HP1BP3: variants seen among roughly 807,000 people sequenced by gnomAD.
The protein encoded by HP1BP3 is heterochromatin protein 1 binding protein 3, also known as heterochromatin protein 1-binding protein 3.
HP1BP3 carries 12 observed loss-of-function variants against 62.5 expected under a neutral mutation model. The observed-to-expected ratio is 0.19, with a 90% CI of 0.12 to 0.31. The LOEUF is 0.31. Among genes scored for constraint, HP1BP3 ranks in the 10% least tolerant of loss-of-function variants. HP1BP3 has a pLI of 1.00. For missense variants in HP1BP3, 502 were observed against 651.8 expected (o/e 0.77, Z 2.50); for synonymous variants, 260 against 237.8 (o/e 1.09, Z -0.86).
chr1:20,765,757 G>A lies in HP1BP3; in HGVS notation c.736-226C>T, dbSNP rs529864479. On this transcript the variant is annotated intron_variant, in intron 7 of 12. Transcript: ENST00000438032. ...AGGCCGAGGTGGGCAGATCACCTGA[G>A]GTCAGGAGTTAAAGACCAGCCTGGC... is the stretch of plus-strand genomic sequence containing the variant. 2.0e-5 allele frequency among the ~76,000 whole-genome samples: 3 copies of A among 151,980 alleles called. No homozygotes were observed. In the South Asian group the frequency reaches 6.2e-4, roughly 32 times the overall value.
intron 9 of HP1BP3, among the ~76,000 whole-genome samples, chr1:20,752,985 AGGCTGGAGTGCAGT>A (rs1162008228): frequency 6.6e-6 from 1 of 151,724 alleles, no homozygotes; most frequent in East Asian, 1.9e-4. Context: ...TCTGTCACCC[AGGCTGGAGTGCAGT>A]GGCGTGATCT....
At chr1:20,776,560 CT>C in intron 4 of HP1BP3, 36 bp downstream of exon 4, 1 of 1,567,982 alleles carries the variant, frequency 6.4e-7, no homozygotes, top group Non-Finnish European at 8.7e-7. Context: ...TTTACACATT[CT>C]TCAAATATAA....
rs1055406589 is a variant in HP1BP3 at position 20,743,284 on chromosome 1, A to G, written c.*1513T>C. 3 of 152,588 alleles carry G rather than the reference A, an allele frequency of 2.0e-5. No individual in the cohort carries two copies. The highest frequency in any genetic ancestry group is 7.2e-5 in the African/African-American group (3 of 41,428). 9.5% of individuals were successfully genotyped at this position (152,588 alleles called of 1,614,324 possible). ...ACATTTCTACATTAGCAATGATGTA[A>G]CTCTCCAACATTTCCTTATAAAAAA... On this transcript the variant is annotated 3_prime_UTR_variant, in exon 13 of 13. Transcript: ENST00000438032.
At chr1:20,779,718 A>G in intron 3 of HP1BP3, 94 bp downstream of exon 3, 1 of 801,390 alleles carries the variant, frequency 1.2e-6, no homozygotes, top group East Asian at 2.9e-5. Flanking sequence ...CATGAAAAAA[A>G]AAAAAAAACA....
intron 9 of HP1BP3, among the ~76,000 whole-genome samples, chr1:20,752,851 T>C (rs1211565178): frequency 1.3e-5 from 2 of 152,244 alleles, no homozygotes; most frequent in Admixed American, 6.5e-5. Flanking sequence ...ACATAATCCG[T>C]ATCTGCTACA....
chr1:20,771,259 C>G (rs1182325642), intron 5 of HP1BP3, among the ~76,000 whole-genome samples, 186 bp from the exon 6 acceptor site: 1 of 152,192 alleles, frequency 6.6e-6, no homozygotes, highest in Non-Finnish European at 1.5e-5. Context: ...AATATTTCTA[C>G]TACAATTTTA....
chr1:20,760,983 G>A (rs2056435439), intron 8 of HP1BP3, among the ~76,000 whole-genome samples: 1 of 152,168 alleles, frequency 6.6e-6, no homozygotes, highest in Non-Finnish European at 1.5e-5. Flanking sequence ...GAGAGATGAT[G>A]GTGGCCTGGA....
At chr1:20,775,157 A>G (rs1379077898) in intron 4 of HP1BP3, among the ~76,000 whole-genome samples, 1 of 152,124 alleles carries the variant, frequency 6.6e-6, no homozygotes, top group Non-Finnish European at 1.5e-5. Context: ...GTCCTTCAGA[A>G]GGTATTCCAA....
chr1:20,780,617 C>T, intron 1 of HP1BP3, 77 bp from the exon 2 acceptor site: 1 of 569,232 alleles, frequency 1.8e-6, no homozygotes, highest in South Asian at 2.5e-5. Context: ...TAATACACAT[C>T]CAAAGGGAAA....
At chr1:20,767,731 C>A in intron 6 of HP1BP3, 67 bp from the exon 7 acceptor site, 1 of 977,212 alleles carries the variant, frequency 1.0e-6, no homozygotes, top group Admixed American at 2.3e-5. Context: ...AAATTACAGG[C>A]CATGGTAATG....
intron 6 of HP1BP3, among the ~76,000 whole-genome samples, chr1:20,768,189 G>A (rs2056877943): frequency 6.6e-6 from 1 of 152,176 alleles, no homozygotes; most frequent in Middle Eastern, 3.2e-3. Flanking sequence ...GCTCATGCCT[G>A]TAATCCCAGC....
In HP1BP3 at chr1:20,776,596, C is replaced by A; in HGVS notation, c.350+1G>T. On this transcript the variant is annotated splice_donor_variant, in intron 4 of 12. Coordinates refer to ENST00000438032, the MANE Select transcript of HP1BP3 (RefSeq NM_001372052.1). LOFTEE classifies it high-confidence loss of function. ...AATAGCAAGAAGACATAACTCCTTA[C>A]TCCTTTTTGGTTTCCTCAGAAGACT... 1.2e-6 allele frequency: 2 copies of A among 1,609,138 alleles called. No homozygotes were observed. The highest frequency in any genetic ancestry group is 1.7e-6 in the Non-Finnish European group (2 of 1,178,010).
At chr1:20,770,871 C>T in intron 6 of HP1BP3, 59 bp downstream of exon 6, 1 of 1,305,746 alleles carries the variant, frequency 7.7e-7, no homozygotes, top group East Asian at 2.6e-5. Context: ...ATGTTACTAA[C>T]TGTAGACTTA....
intron 1 of HP1BP3, among the ~76,000 whole-genome samples, chr1:20,781,601 G>A (rs1410319280): frequency 6.6e-6 from 1 of 152,156 alleles, no homozygotes; most frequent in Non-Finnish European, 1.5e-5. Context: ...CATACTTAGG[G>A]AACCAGAATA....
rs145467024 is a variant in HP1BP3, at chr1:20,755,998, T to C, written c.981+1168A>G. Among the ~76,000 whole-genome samples, 71 of 152,314 alleles carry C rather than the reference T, an allele frequency of 4.7e-4. 1 individual carries two copies. Among genetic ancestry groups the C allele is most frequent in the Middle Eastern group, 3.4e-3 (1 of 294 alleles). ...AGGTTGCCTGAGGCTGCTGGTGGAA[T>C]AGGGAGTGACTGCAAATGGCTACAA... is the stretch of plus-strand genomic sequence containing the variant. On this transcript the variant is annotated intron_variant, in intron 9 of 12. Coordinates refer to ENST00000438032, the MANE Select transcript of HP1BP3 (RefSeq NM_001372052.1).
At chr1:20,759,037 G>A (rs1255026391) in intron 8 of HP1BP3, among the ~76,000 whole-genome samples, 1 of 152,058 alleles carries the variant, frequency 6.6e-6, no homozygotes, top group African/African-American at 2.4e-5. Flanking sequence ...TATCATTCTG[G>A]AGACAATTAA....
rs1284234351 is a variant in HP1BP3, at chr1:20,740,928, A to T, written c.*3869T>A. On this transcript the variant is annotated 3_prime_UTR_variant, in exon 13 of 13. Coordinates refer to ENST00000438032, the MANE Select transcript of HP1BP3 (RefSeq NM_001372052.1). ...TTTAACCATCTGTAATGGCTTCTAA[A>T]CAAATCTTTGTCAAGTGGTTCCTAA... Among the ~76,000 whole-genome samples, 1 of 152,248 alleles carries T rather than the reference A, an allele frequency of 6.6e-6. No homozygotes were observed. Among genetic ancestry groups the T allele is most frequent in the East Asian group, 1.9e-4 (1 of 5,204 alleles).
At position 20,741,062 on chromosome 1, in the gene HP1BP3, G is replaced by A. The variant is rs1370358656; in HGVS notation, c.*3735C>T. ...CAAAATCTACATGCTAGAAAGTAAT[G>A]TCAACCAGAACCTCTGGGGAAACAG... On this transcript the variant is annotated 3_prime_UTR_variant, in exon 13 of 13. Transcript: ENST00000438032. Among the ~76,000 whole-genome samples the A allele has an allele frequency of 6.6e-6, 1 of 152,190 alleles. No homozygotes were observed. The highest frequency in any genetic ancestry group is 1.5e-5 in the Non-Finnish European group (1 of 68,030).
At chr1:20,746,101 T>G (rs2055302021) in intron 11 of HP1BP3, among the ~76,000 whole-genome samples, 1 of 152,052 alleles carries the variant, frequency 6.6e-6, no homozygotes, top group South Asian at 2.1e-4. Context: ...TCGGCAAGGA[T>G]CTCCTAAACT....
Sources: gnomAD v4.1 joint callset for allele counts (sites outside exome capture counted in the v4.1 genomes callset) on GRCh38, gnomAD v4.1.1 for gene constraint, MANE v1.5 for transcripts, NCBI Gene and HGNC (gene_info 2026-07-23, HGNC 2026-07-21) for gene names.